The following ESRRG variants were observed in gnomAD, a reference collection of about 807,000 sequenced individuals.
ESRRG encodes estrogen related receptor gamma.
In ESRRG, 13 loss-of-function variants were observed where a neutral mutation model predicts 44.0. The ratio of observed to expected loss-of-function variants is 0.30; its 90% CI spans 0.19 to 0.47. The LOEUF (loss-of-function observed/expected upper bound fraction) is 0.47. Ranked by LOEUF, ESRRG falls within the 20% of genes least tolerant of loss-of-function variation. The pLI is 1.00. For missense variants in ESRRG, 395 were observed against 580.6 expected (o/e 0.68, Z 3.29); for synonymous variants, 215 against 214.6 (o/e 1.00, Z -0.02).
At chr1:216,895,998 C>T (rs1258226926) in intron 2 of ESRRG, among the ~76,000 whole-genome samples, 1 of 152,158 alleles carries the variant, frequency 6.6e-6, no homozygotes, top group Non-Finnish European at 1.5e-5. Context: ...TGTACTCATT[C>T]GTCTACCAAG....
At chr1:217,077,882 C>T (rs1007723526) in intron 1 of ESRRG, among the ~76,000 whole-genome samples, 1 of 152,068 alleles carries the variant, frequency 6.6e-6, no homozygotes, top group African/African-American at 2.4e-5. Flanking sequence ...GTTTAATGCC[C>T]ACAGTAATTG....
intron 1 of ESRRG, among the ~76,000 whole-genome samples, chr1:217,073,009 G>C (rs1373311510): frequency 6.6e-6 from 1 of 151,850 alleles, no homozygotes; most frequent in Non-Finnish European, 1.5e-5. Flanking sequence ...AGATTGTAGA[G>C]AGAAGCCCAC....
intron 2 of ESRRG, among the ~76,000 whole-genome samples, chr1:216,896,794 T>C (rs1307939591): frequency 6.6e-6 from 1 of 152,170 alleles, no homozygotes; most frequent in African/African-American, 2.4e-5. Flanking sequence ...GGTAAATAAC[T>C]ATAATCAGCC....
At chr1:217,069,472 T>C (rs751933822) in intron 1 of ESRRG, among the ~76,000 whole-genome samples, 1 of 151,732 alleles carries the variant, frequency 6.6e-6, no homozygotes, top group Non-Finnish European at 1.5e-5. Flanking sequence ...ATTAGTTCTG[T>C]CCCTCTAGAG....
intron 3 of ESRRG, among the ~76,000 whole-genome samples, chr1:216,608,109 T>C (rs1248188036): frequency 6.6e-6 from 1 of 152,222 alleles, no homozygotes; most frequent in African/African-American, 2.4e-5. Flanking sequence ...TCAGTTCTGA[T>C]TGGTATTTGC....
At chr1:216,952,930 T>A (rs1178478520) in intron 1 of ESRRG, among the ~76,000 whole-genome samples, 1 of 152,066 alleles carries the variant, frequency 6.6e-6, no homozygotes, top group Non-Finnish European at 1.5e-5. Context: ...ATTCAACTGC[T>A]TCTTTGAACA....
At chr1:216,914,572 TGTC>T (rs2060903759) in intron 2 of ESRRG, among the ~76,000 whole-genome samples, 1 of 152,234 alleles carries the variant, frequency 6.6e-6, no homozygotes, top group South Asian at 2.1e-4. Flanking sequence ...CATGTCCAAT[TGTC>T]TGCTGACATT....
At chr1:216,550,673 C>A (rs1256950091) in intron 5 of ESRRG, among the ~76,000 whole-genome samples, 1 of 152,066 alleles carries the variant, frequency 6.6e-6, no homozygotes, top group Non-Finnish European at 1.5e-5. Flanking sequence ...TGTAACACAA[C>A]CTTAACAATC....
intron 1 of ESRRG, among the ~76,000 whole-genome samples, chr1:216,690,747 A>G (rs774025780): frequency 2.3e-4 from 35 of 152,208 alleles, no homozygotes; most frequent in Non-Finnish European, 4.3e-4. Flanking sequence ...GCCTACTTCT[A>G]CCTCTCATTT....
chr1:216,861,436 G>C (rs1223552962), intron 2 of ESRRG, among the ~76,000 whole-genome samples: 1 of 151,896 alleles, frequency 6.6e-6, no homozygotes, highest in Non-Finnish European at 1.5e-5. Context: ...TCCTAATATT[G>C]ATCATTACAC....
intron 2 of ESRRG, among the ~76,000 whole-genome samples, chr1:216,871,089 T>G (rs1029787089): frequency 2.6e-5 from 4 of 152,010 alleles, no homozygotes; most frequent in Non-Finnish European, 4.4e-5. Context: ...GAGTATTAAC[T>G]GAAGATCTTT....
intron 1 of ESRRG, among the ~76,000 whole-genome samples, chr1:217,059,076 A>G (rs1251327060): frequency 2.0e-5 from 3 of 149,274 alleles, no homozygotes; most frequent in East Asian, 3.9e-4. Context: ...ATAATATACT[A>G]TATATCCACA....
chr1:216,530,346 AG>A (rs1391285869), intron 5 of ESRRG, among the ~76,000 whole-genome samples: 4 of 151,748 alleles, frequency 2.6e-5, no homozygotes, highest in Non-Finnish European at 4.4e-5. Context: ...TCACTGATGT[AG>A]TACAAGAGAC....
chr1:216,775,549 A>C lies in ESRRG; in HGVS notation c.-13-98058T>G, dbSNP rs796741996. Among the ~76,000 whole-genome samples the C allele has an allele frequency of 3.6e-4, 30 of 82,904 alleles. 1 individual carries two copies. Among genetic ancestry groups the C allele is most frequent in the African/African-American group, 1.1e-3 (26 of 24,584 alleles). The allele number at this position is 82,904 out of a possible 152,430, so 54.4% of individuals were successfully genotyped here. A position where few individuals can be genotyped will look rare whatever the true frequency, so the allele number is the denominator to read the frequency against. On this transcript the variant is annotated intron_variant, in intron 2 of 7. Transcript: ENST00000359162. ...CTTTCCCACCTAAATAAAATGTCAC[A>C]TCTTTTTTTTTTTTTTTTTTTTTTT...
intron 3 of ESRRG, among the ~76,000 whole-genome samples, chr1:216,628,816 A>C (rs2063617575): frequency 6.6e-6 from 1 of 152,198 alleles, no homozygotes. Flanking sequence ...ATTGATTTCA[A>C]GATCCTTCAT....
At chr1:216,872,680 T>C (rs1315667382) in intron 2 of ESRRG, among the ~76,000 whole-genome samples, 2 of 152,184 alleles carry the variant, frequency 1.3e-5, no homozygotes, top group African/African-American at 2.4e-5. Flanking sequence ...TATTTCCTAT[T>C]GCTGAGGTTT....
At chr1:217,021,667 T>C (rs1253738394) in intron 1 of ESRRG, among the ~76,000 whole-genome samples, 7 of 152,146 alleles carry the variant, frequency 4.6e-5, no homozygotes, top group South Asian at 2.1e-4. Flanking sequence ...TTACAGCACA[T>C]TGAATGTAAT....
intron 2 of ESRRG, among the ~76,000 whole-genome samples, chr1:216,829,673 G>A (rs1299104291): frequency 1.3e-5 from 2 of 151,600 alleles, no homozygotes; most frequent in Non-Finnish European, 2.9e-5. Flanking sequence ...TCCTGCCTCA[G>A]CCCCTAGGTA....
intron 2 of ESRRG, among the ~76,000 whole-genome samples, chr1:216,742,449 T>C (rs1428975734): frequency 6.6e-6 from 1 of 152,180 alleles, no homozygotes; most frequent in Non-Finnish European, 1.5e-5. Context: ...TGTAAGTTCC[T>C]TGAAGACAAG....
Sources: allele counts gnomAD v4.1 joint callset (sites outside exome capture counted in the v4.1 genomes callset), GRCh38; gene constraint gnomAD v4.1.1; transcripts MANE v1.5; gene names NCBI Gene and HGNC (gene_info 2026-07-23, HGNC 2026-07-21).